The following CNTNAP5 variants were observed in gnomAD, a reference collection of about 807,000 sequenced individuals.
CNTNAP5 encodes contactin associated protein family member 5.
Under a neutral mutation model 150.2 loss-of-function variants are expected in CNTNAP5, and 72 were observed. The observed-to-expected ratio is 0.48, with a 90% CI of 0.40 to 0.58. The LOEUF (loss-of-function observed/expected upper bound fraction) is 0.58, where lower values mean the gene tolerates loss of function less well. Ranked by LOEUF, CNTNAP5 falls within the 20% of genes least tolerant of loss-of-function variation. The pLI, the probability that CNTNAP5 is intolerant of heterozygous loss-of-function variation, is 0.00. For missense variants in CNTNAP5, 1,636 were observed against 1,626.2 expected (o/e 1.01, Z -0.10); for synonymous variants, 672 against 619.8 (o/e 1.08, Z -1.25).
intron 2 of CNTNAP5, among the ~76,000 whole-genome samples, chr2:124,236,018 T>G (rs1376666786): frequency 6.6e-6 from 1 of 152,056 alleles, no homozygotes; most frequent in African/African-American, 2.4e-5. Context: ...CAGGCTGGAT[T>G]GCAGTGTCAT....
intron 1 of CNTNAP5, among the ~76,000 whole-genome samples, chr2:124,207,626 A>G (rs1325429035): frequency 3.3e-5 from 5 of 152,100 alleles, no homozygotes; most frequent in Non-Finnish European, 5.9e-5. Flanking sequence ...GAAATACACC[A>G]CTTTGTGTCT....
At position 124,025,319 on chromosome 2, in the gene CNTNAP5, T is replaced by G. The variant is rs1460792691; in HGVS notation, c.-332T>G. ...GCTCTCGCGCCCGACGAGGTGGATTTGGCTGTCCACCGAGCTCCGGCGCCT... is the reference window on the plus strand; with the variant it reads ...GCTCTCGCGCCCGACGAGGTGGATTGGGCTGTCCACCGAGCTCCGGCGCCT... On this transcript the variant is annotated 5_prime_UTR_variant, in exon 1 of 24. Coordinates refer to ENST00000682447, the MANE Select transcript of CNTNAP5 (RefSeq NM_001367498.1). 5 of 305,384 alleles carry G rather than the reference T, an allele frequency of 1.6e-5. No individual in the cohort carries two copies. The highest frequency in any genetic ancestry group is 2.6e-5 in the Non-Finnish European group (4 of 156,614). The allele number at this position is 305,384 out of a possible 1,614,324, so 18.9% of individuals were successfully genotyped here.
chr2:124,654,669 A>G (rs1678402544), intron 13 of CNTNAP5, among the ~76,000 whole-genome samples: 1 of 152,198 alleles, frequency 6.6e-6, no homozygotes, highest in East Asian at 1.9e-4. Context: ...GAGAGCTGCA[A>G]TCTTTGCAGT....
chr2:124,770,656 G>GC (rs1335205646), intron 16 of CNTNAP5, among the ~76,000 whole-genome samples: 1 of 152,144 alleles, frequency 6.6e-6, no homozygotes, highest in Non-Finnish European at 1.5e-5. Flanking sequence ...GACTCAAGGG[G>GC]CCACCTTCAC....
At chr2:124,165,912 G>C (rs1446261102) in intron 1 of CNTNAP5, among the ~76,000 whole-genome samples, 1 of 152,142 alleles carries the variant, frequency 6.6e-6, no homozygotes, top group Non-Finnish European at 1.5e-5. Flanking sequence ...CACAAGGCAT[G>C]TGCCATTCAT....
chr2:124,205,522 G>A (rs1807922), intron 1 of CNTNAP5, among the ~76,000 whole-genome samples: 46,571 of 151,084 alleles, frequency 0.31, 7,317 homozygotes, highest in South Asian at 0.47. Context: ...GGGTTCAAGC[G>A]ATTCTCCTGC....
chr2:124,543,698 GA>G (rs1265416838), intron 10 of CNTNAP5, among the ~76,000 whole-genome samples: 4 of 152,100 alleles, frequency 2.6e-5, no homozygotes, highest in Admixed American at 1.3e-4. Context: ...TTCTTTTTCA[GA>G]AGTGCCTGGC....
At chr2:124,703,795 A>C (rs1025274317) in intron 13 of CNTNAP5, among the ~76,000 whole-genome samples, 3 of 152,200 alleles carry the variant, frequency 2.0e-5, no homozygotes. Context: ...TCAATGCCTG[A>C]TGACATCAGA....
At chr2:124,384,687 C>T (rs1690884335) in intron 3 of CNTNAP5, among the ~76,000 whole-genome samples, 1 of 152,162 alleles carries the variant, frequency 6.6e-6, no homozygotes, top group South Asian at 2.1e-4. Context: ...AAATCTGTAT[C>T]CTTCCTCTGA....
In CNTNAP5 at chr2:124,032,380, G is replaced by A. The variant is rs138551995; in HGVS notation, c.82+6648G>A. On this transcript the variant is annotated intron_variant, in intron 1 of 23. Transcript: ENST00000682447. The stretch of plus-strand genomic sequence containing the variant: ...ATTTTTAAAGCTATGGAGATTCATT[G>A]AATGTTTTTATACAGGTAATGATTA... Among the ~76,000 whole-genome samples the A allele has an allele frequency of 4.9e-3, 752 of 152,194 alleles. 5 individuals carry two copies. Among genetic ancestry groups the A allele is most frequent in the Middle Eastern group, 0.041 (12 of 294 alleles).
At chr2:124,187,243 A>G (rs1017870616) in intron 1 of CNTNAP5, among the ~76,000 whole-genome samples, 5 of 152,204 alleles carry the variant, frequency 3.3e-5, no homozygotes, top group African/African-American at 7.2e-5. Flanking sequence ...TGCTTTGGTT[A>G]TATCTCATGA....
At chr2:124,629,773 GTTT>G (rs771169353) in intron 12 of CNTNAP5, among the ~76,000 whole-genome samples, 93 of 130,932 alleles carry the variant, frequency 7.1e-4, no homozygotes, top group African/African-American at 2.4e-3. Context: ...TCCAGGAGCT[GTTT>G]TTTTTTTTTT....
At chr2:124,054,231 G>T (rs1681785562) in intron 1 of CNTNAP5, among the ~76,000 whole-genome samples, 1 of 152,156 alleles carries the variant, frequency 6.6e-6, no homozygotes, top group Admixed American at 6.5e-5. Context: ...TTTTTGTCTG[G>T]ATGTTTGGGT....
chr2:124,107,753 C>G (rs1180010992), intron 1 of CNTNAP5, among the ~76,000 whole-genome samples: 1 of 152,150 alleles, frequency 6.6e-6, no homozygotes, highest in Non-Finnish European at 1.5e-5. Flanking sequence ...TTTATTTTGT[C>G]AAGGTTAAGG....
intron 22 of CNTNAP5, among the ~76,000 whole-genome samples, chr2:124,907,528 TATAG>T (rs1329411242): frequency 6.7e-6 from 1 of 148,282 alleles, no homozygotes; most frequent in African/African-American, 2.4e-5. Context: ...ATACATAATA[TATAG>T]ATATAGAATA....
At chr2:124,558,038 A>G (rs1695800426) in intron 10 of CNTNAP5, among the ~76,000 whole-genome samples, 1 of 152,142 alleles carries the variant, frequency 6.6e-6, no homozygotes, top group Non-Finnish European at 1.5e-5. Context: ...ACCCTAGATA[A>G]AATAGGGAGC....
chr2:124,790,215 C>T (rs749878542), intron 18 of CNTNAP5, 74 bp downstream of exon 18: 101 of 1,441,472 alleles, frequency 7.0e-5, no homozygotes, highest in Non-Finnish European at 9.1e-5. Flanking sequence ...CCATGTGATA[C>T]TCACACTCTG....
chr2:124,705,453 G>A lies in CNTNAP5; in HGVS notation c.2078-41776G>A, dbSNP rs755711633. The stretch of plus-strand genomic sequence containing the variant: ...TGAGGCAGGAGAATTGCTTGAACCC[G>A]GGAGGCGGAGGTTGCAGTGAACCAA... On this transcript the variant is annotated intron_variant, in intron 13 of 23. Transcript: ENST00000682447. Among the ~76,000 whole-genome samples the A allele has an allele frequency of 1.1e-4, 16 of 152,006 alleles. No individual in the cohort carries two copies. In the East Asian group the frequency reaches 1.4e-3, roughly 13 times the overall value.
At chr2:124,844,853 C>T (rs1573655836) in intron 19 of CNTNAP5, among the ~76,000 whole-genome samples, 1 of 152,016 alleles carries the variant, frequency 6.6e-6, no homozygotes, top group Non-Finnish European at 1.5e-5. Context: ...ATTTATTTAC[C>T]AATTATGGGA....
Sources: allele counts gnomAD v4.1 joint callset (sites outside exome capture counted in the v4.1 genomes callset), GRCh38; gene constraint gnomAD v4.1.1; transcripts MANE v1.5; gene names NCBI Gene and HGNC (gene_info 2026-07-23, HGNC 2026-07-21).